Variants in GPHN observed in about 807,000 individuals in gnomAD.
GPHN encodes the protein gephyrin.
In GPHN, 17 loss-of-function variants were observed where a neutral mutation model predicts 95.5. The ratio of observed to expected loss-of-function variants is 0.18; its 90% CI spans 0.12 to 0.27. The LOEUF (loss-of-function observed/expected upper bound fraction) is 0.27. Among genes scored for constraint, GPHN ranks in the 10% least tolerant of loss-of-function variants. The probability of loss-of-function intolerance (pLI) is 1.00; values close to 1 mark genes in which losing one functional copy is unlikely to be tolerated. For synonymous variants in GPHN, 320 were observed against 322.5 expected (o/e 0.99, Z 0.08); for missense variants, 660 against 978.1 (o/e 0.67, Z 4.34).
chr14:66,550,435 G>T (rs1436076100), intron 1 of GPHN, among the ~76,000 whole-genome samples: 1 of 152,142 alleles, frequency 6.6e-6, no homozygotes, highest in Non-Finnish European at 1.5e-5. Context: ...TGCTTCTTAT[G>T]GATAAGTAAA....
chr14:67,553,400 C>A, the GPHN span, among the ~76,000 whole-genome samples: 1 of 152,092 alleles, frequency 6.6e-6, no homozygotes, highest in Non-Finnish European at 1.5e-5. Flanking sequence ...CAAAACCCAA[C>A]TCTGTCTGGC....
chr14:67,295,711 G>C, the GPHN span, among the ~76,000 whole-genome samples: 1 of 152,158 alleles, frequency 6.6e-6, no homozygotes, highest in African/African-American at 2.4e-5. Flanking sequence ...AAGACTGTCA[G>C]TATTGTTTGT....
chr14:67,599,930 C>T, the GPHN span: 1 of 1,065,946 alleles, frequency 9.4e-7, no homozygotes. Context: ...TAGGAGGGGC[C>T]GACCAGAGGT....
chr14:66,535,097 A>G (rs1251637688), intron 1 of GPHN, among the ~76,000 whole-genome samples: 1 of 152,112 alleles, frequency 6.6e-6, no homozygotes, highest in Non-Finnish European at 1.5e-5. Flanking sequence ...TTTCTTTTTG[A>G]AATTGTATTA....
At chr14:67,656,552 C>G in the GPHN span, 1 of 1,613,624 alleles carries the variant, frequency 6.2e-7, no homozygotes, top group Non-Finnish European at 8.5e-7. Context: ...GCTTTCAGTG[C>G]CCTGCAGAAG....
chr14:67,489,800 C>G, the GPHN span, among the ~76,000 whole-genome samples: 2 of 152,172 alleles, frequency 1.3e-5, no homozygotes, highest in Non-Finnish European at 2.9e-5. Context: ...ACCATCCTGG[C>G]TAACATGGTG....
chr14:67,482,140 C>G, the GPHN span, among the ~76,000 whole-genome samples: 1 of 152,278 alleles, frequency 6.6e-6, no homozygotes, highest in Middle Eastern at 3.4e-3. Context: ...CTAGGAACTA[C>G]CCCTTCAAGG....
rs1176507639 is a variant in GPHN at position 66,944,718 on chromosome 14, AG to A, written c.828+20427del. On this transcript the variant is annotated intron_variant, in intron 8 of 22. Coordinates refer to ENST00000478722, the MANE Select transcript of GPHN (RefSeq NM_020806.5). ...GAGAAAAGAAAAAGATGCCTGGGGA[AG>A]AACTTCGTATTCTTATGCAAATAAG... Among the ~76,000 whole-genome samples the A allele has an allele frequency of 5.3e-5, 8 of 152,262 alleles. No individual in the cohort carries two copies. The East Asian group carries it at 9.6e-4, about 18-fold the overall frequency.
intron 1 of GPHN, among the ~76,000 whole-genome samples, chr14:66,665,846 C>T (rs571257532): frequency 1.3e-5 from 2 of 152,262 alleles, no homozygotes; most frequent in South Asian, 4.1e-4. Flanking sequence ...GACTTGGAAC[C>T]TCCCCAAATG....
intron 1 of GPHN, among the ~76,000 whole-genome samples, chr14:66,569,660 CA>C (rs55935489): frequency 0.2 from 26,810 of 136,008 alleles, 2,532 homozygotes; most frequent in Non-Finnish European, 0.23. Context: ...AAGACTATCT[CA>C]AAAAAAAAAA....
At chr14:66,534,180 G>C (rs1002321023) in intron 1 of GPHN, among the ~76,000 whole-genome samples, 4 of 152,102 alleles carry the variant, frequency 2.6e-5, no homozygotes, top group African/African-American at 9.7e-5. Flanking sequence ...TAATTGTATA[G>C]CATGGTGAGT....
intron 1 of GPHN, among the ~76,000 whole-genome samples, chr14:66,588,259 T>G (rs745684095): frequency 6.6e-6 from 1 of 150,430 alleles, no homozygotes; most frequent in African/African-American, 2.4e-5. Flanking sequence ...AGAACAAAGA[T>G]AGAGAAATCC....
the GPHN span, chr14:67,685,234 A>ATTAC: frequency 1.3e-6 from 2 of 1,584,214 alleles, no homozygotes. Flanking sequence ...AGAGAGGGTA[A>ATTAC]GACAGGACTT....
chr14:67,106,976 G>A (rs1361059891), intron 13 of GPHN, among the ~76,000 whole-genome samples: 8 of 152,126 alleles, frequency 5.3e-5, no homozygotes, highest in Non-Finnish European at 1.0e-4. Flanking sequence ...TTGTAGAGAC[G>A]CCTGTAGTTG....
At chr14:67,101,009 G>C (rs2077671252) in intron 13 of GPHN, 98 bp downstream of exon 13, 7 of 761,996 alleles carry the variant, frequency 9.2e-6, no homozygotes, top group Non-Finnish European at 1.7e-5. Context: ...GGAAATTAGA[G>C]AGAGATTAGT....
intron 13 of GPHN, among the ~76,000 whole-genome samples, chr14:67,102,243 T>C (rs1366442805): frequency 6.6e-6 from 1 of 152,106 alleles, no homozygotes; most frequent in African/African-American, 2.4e-5. Context: ...TCAACAGAGC[T>C]CCTACCTTAT....
intron 5 of GPHN, among the ~76,000 whole-genome samples, chr14:66,914,053 T>TA (rs959399781): frequency 9.8e-4 from 144 of 146,770 alleles, no homozygotes; most frequent in East Asian, 8.9e-3. Flanking sequence ...GACAAAATAG[T>TA]AAAAAAAAAA....
At chr14:67,102,089 G>C (rs892272262) in intron 13 of GPHN, among the ~76,000 whole-genome samples, 1 of 151,642 alleles carries the variant, frequency 6.6e-6, no homozygotes, top group Non-Finnish European at 1.5e-5. Context: ...AGCCAGGATG[G>C]TCTCGATCTC....
intron 11 of GPHN, among the ~76,000 whole-genome samples, chr14:67,063,994 C>G (rs530214546): frequency 2.0e-5 from 3 of 152,166 alleles, no homozygotes; most frequent in Non-Finnish European, 4.4e-5. Flanking sequence ...TGAGAGAAGA[C>G]ATCCTTGTGT....
Sources: allele counts gnomAD v4.1 joint callset (sites outside exome capture counted in the v4.1 genomes callset), GRCh38; gene constraint gnomAD v4.1.1; transcripts MANE v1.5; gene names NCBI Gene and HGNC (gene_info 2026-07-23, HGNC 2026-07-21).